The following MACROD2 variants were observed in gnomAD, a reference collection of about 807,000 sequenced individuals.
MACROD2 encodes the protein mono-ADP ribosylhydrolase 2, also known as ADP-ribose glycohydrolase MACROD2.
MACROD2 carries 36 observed loss-of-function variants against 70.4 expected under a neutral mutation model. The observed-to-expected ratio is 0.51, with a 90% CI of 0.39 to 0.68. MACROD2 has a LOEUF of 0.68. MACROD2 is among the 30% of genes least tolerant of loss of function. The pLI, the probability that MACROD2 is intolerant of heterozygous loss-of-function variation, is 0.00. For synonymous variants in MACROD2, 172 were observed against 178.8 expected, an observed-to-expected ratio of 0.96 and a Z score of 0.30; for missense variants, 496 against 538.4, an observed-to-expected ratio of 0.92 and a Z score of 0.78.
chr20:14,724,573 C>T (rs1206543896), intron 5 of MACROD2, among the ~76,000 whole-genome samples: 2 of 152,110 alleles, frequency 1.3e-5, no homozygotes, highest in African/African-American at 4.8e-5. Context: ...TTATGAAATC[C>T]TTTCTGCAGA....
intron 5 of MACROD2, among the ~76,000 whole-genome samples, chr20:15,084,839 T>A (rs1394874600): frequency 1.3e-5 from 2 of 152,224 alleles, no homozygotes; most frequent in Non-Finnish European, 2.9e-5. Context: ...AAAACATATA[T>A]GTCCTTCAAA....
chr20:15,234,577 G>A (rs1162164783), intron 6 of MACROD2, among the ~76,000 whole-genome samples: 1 of 152,158 alleles, frequency 6.6e-6, no homozygotes, highest in African/African-American at 2.4e-5. Flanking sequence ...TATGACCTGA[G>A]GAATGCATAG....
intron 2 of MACROD2, among the ~76,000 whole-genome samples, chr20:14,044,449 CCTG>C (rs955772563): frequency 6.6e-6 from 1 of 152,112 alleles, no homozygotes. Flanking sequence ...GGCGTGGCAG[CCTG>C]CTTTTATTCT....
At chr20:14,940,663 T>TC (rs1454279681) in intron 5 of MACROD2, among the ~76,000 whole-genome samples, 1 of 152,072 alleles carries the variant, frequency 6.6e-6, no homozygotes, top group Non-Finnish European at 1.5e-5. Flanking sequence ...GATCATTTTT[T>TC]TCCCTTGGTG....
chr20:15,311,390 T>A (rs1384776553), intron 6 of MACROD2, among the ~76,000 whole-genome samples: 2 of 152,216 alleles, frequency 1.3e-5, no homozygotes, highest in African/African-American at 4.8e-5. Context: ...TATTCAAATA[T>A]GTTTTGCAGA....
chr20:14,635,972 G>T (rs1368165442), intron 4 of MACROD2, among the ~76,000 whole-genome samples: 1 of 152,064 alleles, frequency 6.6e-6, no homozygotes, highest in Non-Finnish European at 1.5e-5. Flanking sequence ...AACTAAATTA[G>T]TCTAATGTTC....
chr20:15,671,873 T>C (rs2049984334), intron 8 of MACROD2, among the ~76,000 whole-genome samples: 1 of 152,230 alleles, frequency 6.6e-6, no homozygotes, highest in Admixed American at 6.5e-5. Context: ...TAGTTTTACA[T>C]TGAATTATTG....
intron 5 of MACROD2, among the ~76,000 whole-genome samples, chr20:14,784,674 G>GC (rs1555829940): frequency 6.3e-5 from 9 of 142,862 alleles, no homozygotes; most frequent in Non-Finnish European, 1.2e-4. Context: ...TAAGTGGGGG[G>GC]GGGGGGGCAC....
At chr20:16,031,771 C>T (rs982848920) in intron 15 of MACROD2, among the ~76,000 whole-genome samples, 7 of 151,714 alleles carry the variant, frequency 4.6e-5, no homozygotes, top group East Asian at 1.9e-4. Flanking sequence ...AAAGTATGTA[C>T]GTATTATAAA....
chr20:14,710,680 A>G (rs935910758), intron 5 of MACROD2, among the ~76,000 whole-genome samples: 14 of 152,160 alleles, frequency 9.2e-5, no homozygotes, highest in African/African-American at 2.4e-4. Context: ...TCATTGCCAT[A>G]TTGTGTTCTG....
chr20:15,932,832 C>A (rs562636592), intron 10 of MACROD2, among the ~76,000 whole-genome samples: 4 of 152,214 alleles, frequency 2.6e-5, no homozygotes, highest in Admixed American at 2.0e-4. Context: ...TGTTAGACTG[C>A]CATATGGAAG....
At chr20:16,007,506 AAC>A (rs1231719206) in intron 15 of MACROD2, among the ~76,000 whole-genome samples, 1 of 152,240 alleles carries the variant, frequency 6.6e-6, no homozygotes, top group Non-Finnish European at 1.5e-5. Flanking sequence ...TTTCTTATAC[AAC>A]AGTTTCACCA....
At chr20:14,601,599 C>T (rs1982503418) in intron 4 of MACROD2, among the ~76,000 whole-genome samples, 1 of 151,822 alleles carries the variant, frequency 6.6e-6, no homozygotes, top group African/African-American at 2.4e-5. Flanking sequence ...ATATATGATA[C>T]TATTATATTC....
chr20:15,426,691 C>T (rs1432932501), intron 6 of MACROD2, among the ~76,000 whole-genome samples: 1 of 151,824 alleles, frequency 6.6e-6, no homozygotes. Flanking sequence ...AGACATATTG[C>T]TCCTGAAGTT....
intron 9 of MACROD2, among the ~76,000 whole-genome samples, chr20:15,874,136 A>G (rs956903254): frequency 7.5e-6 from 1 of 133,988 alleles, no homozygotes; most frequent in Non-Finnish European, 1.5e-5. Context: ...TCATTGTTCA[A>G]CTCCCATTTA....
chr20:15,252,450 G>C (rs2077163992), intron 6 of MACROD2, among the ~76,000 whole-genome samples: 1 of 152,204 alleles, frequency 6.6e-6, no homozygotes, highest in Non-Finnish European at 1.5e-5. Context: ...CTCTGGGACT[G>C]GCTGACAGAG....
intron 5 of MACROD2, among the ~76,000 whole-genome samples, chr20:15,220,268 T>C (rs2076847920): frequency 6.6e-6 from 1 of 152,224 alleles, no homozygotes; most frequent in Admixed American, 6.5e-5. Flanking sequence ...ACATCATTCC[T>C]GATTAGATTG....
chr20:15,064,205 C>T (rs2075556207), intron 5 of MACROD2, among the ~76,000 whole-genome samples: 1 of 152,062 alleles, frequency 6.6e-6, no homozygotes, highest in Non-Finnish European at 1.5e-5. Flanking sequence ...ACCCCTTCAC[C>T]AAAGTAGGAA....
At chr20:14,297,892 T>G (rs2082440573) in intron 3 of MACROD2, among the ~76,000 whole-genome samples, 1 of 151,922 alleles carries the variant, frequency 6.6e-6, no homozygotes, top group South Asian at 2.1e-4. Flanking sequence ...AAGGACAGGC[T>G]GACTTTCTTG....
Sources: gnomAD v4.1 joint callset for allele counts (sites outside exome capture counted in the v4.1 genomes callset) on GRCh38, gnomAD v4.1.1 for gene constraint, MANE v1.5 for transcripts, NCBI Gene and HGNC (gene_info 2026-07-23, HGNC 2026-07-21) for gene names.